The following ZMIZ1 variants were observed in gnomAD, a reference collection of about 807,000 sequenced individuals.
ZMIZ1 encodes zinc finger MIZ-type containing 1.
A neutral mutation model predicts 113.9 loss-of-function variants in ZMIZ1; 17 were observed. The ratio of observed to expected loss-of-function variants is 0.15; its 90% CI spans 0.10 to 0.22. The LOEUF is 0.22. ZMIZ1 is among the 10% of genes least tolerant of loss of function. ZMIZ1 has a pLI of 1.00. For missense variants in ZMIZ1, 1,059 were observed against 1,477.8 expected, an observed-to-expected ratio of 0.72 and a Z score of 4.65; for synonymous variants, 607 against 603.1, an observed-to-expected ratio of 1.01 and a Z score of -0.09.
intron 2 of ZMIZ1, among the ~76,000 whole-genome samples, chr10:79,137,921 A>G (rs1383136123): frequency 6.6e-6 from 1 of 151,946 alleles, no homozygotes; most frequent in Non-Finnish European, 1.5e-5. Flanking sequence ...GACATTTATA[A>G]CTCACAGCTG....
Position 79,277,166 on chromosome 10 carries a change from C to A in ZMIZ1, c.281-15C>A. 1 of 1,519,032 alleles carries A rather than the reference C, an allele frequency of 6.6e-7. No individual in the cohort carries two copies. Among genetic ancestry groups the A allele is most frequent in the East Asian group, 2.6e-5 (1 of 38,982 alleles). 94.1% of individuals were successfully genotyped at this position (1,519,032 alleles called of 1,614,324 possible). On this transcript the variant is annotated splice_polypyrimidine_tract_variant and intron_variant, in intron 7 of 24. Transcript: ENST00000334512. Reference sequence around the variant, plus strand: ...GATGAACAAGCACCCACTGACTGTCCTGTCCTTCCTGCAGCCTTGTTGTCC... The same window carrying A: ...GATGAACAAGCACCCACTGACTGTCATGTCCTTCCTGCAGCCTTGTTGTCC...
In ZMIZ1 at chr10:79,305,144, G is replaced by A. The variant is rs778786945; in HGVS notation, c.2287-20G>A. The A allele has an allele frequency of 1.6e-5, 26 of 1,611,750 alleles. No individual in the cohort carries two copies. The highest frequency in any genetic ancestry group is 1.3e-4 in the Admixed American group (8 of 59,978). On this transcript the variant is annotated intron_variant, in intron 19 of 24. Coordinates refer to ENST00000334512, the MANE Select transcript of ZMIZ1 (RefSeq NM_020338.4). ...TTCTGACAGTCCTGGTCTCACCTGT[G>A]TCTGTCTGTCTGTCTGCAGTGCTTT...
At chr10:79,129,439 C>T (rs183474259) in intron 2 of ZMIZ1, among the ~76,000 whole-genome samples, 74 of 152,340 alleles carry the variant, frequency 4.9e-4, no homozygotes, top group Admixed American at 8.5e-4. Flanking sequence ...CTCTTCTTGG[C>T]GCAGGGGCTT....
chr10:79,090,779 T>TGG (rs572561883), intron 1 of ZMIZ1, among the ~76,000 whole-genome samples: 2 of 152,214 alleles, frequency 1.3e-5, no homozygotes, highest in Non-Finnish European at 2.9e-5. Context: ...AGCTGAGGTT[T>TGG]GGGGGGTGCC....
intron 3 of ZMIZ1, among the ~76,000 whole-genome samples, chr10:79,141,430 CTT>C (rs1845261123): frequency 6.6e-6 from 1 of 151,958 alleles, no homozygotes; most frequent in Non-Finnish European, 1.5e-5. Flanking sequence ...GTAAAGTACT[CTT>C]TCACTAGCCA....
At chr10:79,272,009 C>T (rs1467726580) in intron 7 of ZMIZ1, among the ~76,000 whole-genome samples, 1 of 152,204 alleles carries the variant, frequency 6.6e-6, no homozygotes, top group Non-Finnish European at 1.5e-5. Context: ...TGGCTTATGC[C>T]TGTAATCCAA....
intron 7 of ZMIZ1, among the ~76,000 whole-genome samples, chr10:79,267,738 G>A (rs1168673086): frequency 1.3e-5 from 2 of 152,202 alleles, no homozygotes; most frequent in Non-Finnish European, 2.9e-5. Flanking sequence ...GGACTCTGGT[G>A]TGAGATGGGC....
chr10:79,150,805 G>A (rs929321468), intron 3 of ZMIZ1, among the ~76,000 whole-genome samples: 2 of 152,066 alleles, frequency 1.3e-5, no homozygotes, highest in South Asian at 2.1e-4. Flanking sequence ...GCCGGGCGAC[G>A]GAGCATGCCT....
intron 2 of ZMIZ1, among the ~76,000 whole-genome samples, chr10:79,131,008 G>A (rs987798456): frequency 2.6e-5 from 4 of 152,122 alleles, no homozygotes; most frequent in Non-Finnish European, 4.4e-5. Context: ...GACATCTCCT[G>A]AGACTCCAGG....
chr10:79,311,304 G>GGGGGGGGGGGGGGGGGGGGGGT, intron 24 of ZMIZ1, 120 bp downstream of exon 24: 1 of 359,152 alleles, frequency 2.8e-6, no homozygotes, highest in East Asian at 7.5e-5. Context: ...TGGGCGGTGG[G>GGGGGGGGGGGGGGGGGGGGGGT]AGGGCTTCAC....
chr10:79,271,839 C>T (rs1016271657), intron 7 of ZMIZ1, among the ~76,000 whole-genome samples: 4 of 152,120 alleles, frequency 2.6e-5, no homozygotes, highest in Non-Finnish European at 4.4e-5. Context: ...AGGGGGCTTA[C>T]GAATAAGAGA....
intron 16 of ZMIZ1, 89 bp from the exon 17 acceptor site, chr10:79,300,643 T>A: frequency 1.4e-6 from 2 of 1,469,084 alleles, no homozygotes. Flanking sequence ...TTGTGGTGTG[T>A]TTAGAGGTGT....
chr10:79,258,713 G>T (rs1260851520), intron 7 of ZMIZ1, among the ~76,000 whole-genome samples: 1 of 152,224 alleles, frequency 6.6e-6, no homozygotes, highest in African/African-American at 2.4e-5. Flanking sequence ...TCCAAGCCCA[G>T]CCCAGATAGC....
chr10:79,247,749 T>C (rs1178954550), intron 7 of ZMIZ1, among the ~76,000 whole-genome samples: 1 of 152,150 alleles, frequency 6.6e-6, no homozygotes, highest in Non-Finnish European at 1.5e-5. Flanking sequence ...AGACTGAGGC[T>C]CCCAAACCAC....
rs1358460000 is a variant in ZMIZ1, at chr10:79,312,793, C to T, written c.*44C>T. The T allele has an allele frequency of 6.4e-7, 1 of 1,573,536 alleles. No homozygotes were observed. Among genetic ancestry groups the T allele is most frequent in the Non-Finnish European group, 8.7e-7 (1 of 1,143,930 alleles). On this transcript the variant is annotated 3_prime_UTR_variant, in exon 25 of 25. Coordinates refer to ENST00000334512, the MANE Select transcript of ZMIZ1 (RefSeq NM_020338.4). ...CATCCCTCCACACTCTGCATCCTACCCCACCTACCCAACACACTTTTCCAC... is the reference window on the plus strand; with the variant it reads ...CATCCCTCCACACTCTGCATCCTACTCCACCTACCCAACACACTTTTCCAC...
At position 79,293,506 on chromosome 10, in the gene ZMIZ1, C is replaced by T. The variant is rs780853095; in HGVS notation, c.1083C>T (p.Ser361=). The T allele has an allele frequency of 2.8e-5, 44 of 1,596,080 alleles. 1 individual carries two copies. In the South Asian group the frequency reaches 4.0e-4, roughly 15 times the overall value. The change falls in exon 12 of 25, where the codon AGC becomes AGT. Residue 361 remains serine (S), a synonymous_variant. Transcript: ENST00000334512. ...MAAGMTPSGM[S]GPPMGMNQPR... ...CTGGCATGACGCCCTCGGGGATGAG[C>T]GGCCCTCCCATGGGCATGAACCAGC...
intron 1 of ZMIZ1, among the ~76,000 whole-genome samples, chr10:79,093,437 C>T (rs917595883): frequency 6.6e-6 from 1 of 151,956 alleles, no homozygotes; most frequent in African/African-American, 2.4e-5. Context: ...AGCGATTCTC[C>T]GGCCTCAGCC....
At chr10:79,168,555 G>A (rs1384641280) in intron 4 of ZMIZ1, among the ~76,000 whole-genome samples, 6 of 152,332 alleles carry the variant, frequency 3.9e-5, no homozygotes, top group South Asian at 2.1e-4. Context: ...CACCCAGCTT[G>A]TGCACCCTCA....
chr10:79,296,730 A>T lies in ZMIZ1; in HGVS notation c.1413+77A>T, dbSNP rs1273427290. The T allele has an allele frequency of 5.0e-6, 7 of 1,393,810 alleles. No homozygotes were observed. The African/African-American group carries it at 5.9e-5, about 12-fold the overall frequency. The allele number at this position is 1,393,810 out of a possible 1,614,324, so 86.3% of individuals were successfully genotyped here. On this transcript the variant is annotated intron_variant, in intron 13 of 24. Coordinates refer to ENST00000334512, the MANE Select transcript of ZMIZ1 (RefSeq NM_020338.4). This position sits in a 1 kb window ranked among gnomAD's most constrained non-coding sequence, Gnocchi z 4.1. ...TCACTCCCCTAACTCCACCGGGATC[A>T]CTCTGACCCTGCGTGTGTTTGCCCC...
Sources: gnomAD v4.1 joint callset for allele counts (sites outside exome capture counted in the v4.1 genomes callset) on GRCh38, gnomAD v4.1.1 for gene constraint, Gnocchi (gnomAD v3.1) non-coding constraint, MANE v1.5 for transcripts, NCBI Gene and HGNC (gene_info 2026-07-23, HGNC 2026-07-21) for gene names.